Variants in MTRFR observed in about 807,000 individuals in gnomAD.
MTRFR encodes mitochondrial translation release factor in rescue, also known as probable peptide chain release factor C12orf65, mitochondrial.
MTRFR carries 10 observed loss-of-function variants against 11.9 expected under a neutral mutation model. The ratio of observed to expected loss-of-function variants is 0.84; its 90% confidence interval spans 0.52 to 1.42. The LOEUF is 1.42. Among genes scored for constraint, MTRFR ranks in the 40% most tolerant of loss-of-function variants. The probability of loss-of-function intolerance (pLI) is 0.00; values close to 1 mark genes in which losing one functional copy is unlikely to be tolerated. For synonymous variants in MTRFR, 77 were observed against 79.1 expected (o/e 0.97, Z 0.14); for missense variants, 196 against 197.9 (o/e 0.99, Z 0.06).
In MTRFR at chr12:123,254,093, A is replaced by G. The variant is rs2048152974; in HGVS notation, c.282+137A>G. On this transcript the variant is annotated intron_variant, in intron 2 of 2. Transcript: ENST00000253233. ...TTGGGCCACCCTCTACCAGCCAGGCAGTAGAGAGCACCGCAGATCTCGTCC... is the reference window on the plus strand; with the variant it reads ...TTGGGCCACCCTCTACCAGCCAGGCGGTAGAGAGCACCGCAGATCTCGTCC... The G allele has an allele frequency of 5.0e-6, 5 of 1,000,712 alleles. No individual in the cohort carries two copies. In the East Asian group the frequency reaches 1.3e-4, roughly 26 times the overall value. The allele number at this position is 1,000,712 out of a possible 1,614,324, so 62.0% of individuals were successfully genotyped here. A position where few individuals can be genotyped will look rare whatever the true frequency, so the allele number is the denominator to read the frequency against.
chr12:123,247,024 C>A (rs188796799), intron 1 of MTRFR, among the ~76,000 whole-genome samples: 6 of 152,086 alleles, frequency 3.9e-5, no homozygotes, highest in Admixed American at 3.3e-4. Context: ...CCACCGCTCA[C>A]GCCTAATTTC....
Position 123,257,300 on chromosome 12 carries a change from A to G in MTRFR, c.*269A>G, listed in dbSNP as rs1016021307. On this transcript the variant is annotated 3_prime_UTR_variant, in exon 3 of 3. Coordinates refer to ENST00000253233, the MANE Select transcript of MTRFR (RefSeq NM_152269.5). ...GAGGCCGAGGCGGGCGGATCACTTGAGGTCAGGAGTTTGAGACCAGCCTGG... is the reference window on the plus strand; with the variant it reads ...GAGGCCGAGGCGGGCGGATCACTTGGGGTCAGGAGTTTGAGACCAGCCTGG... The G allele has an allele frequency of 2.7e-6, 1 of 373,188 alleles. No individual in the cohort carries two copies. The highest frequency in any genetic ancestry group is 5.0e-6 in the Non-Finnish European group (1 of 201,234). 23.1% of individuals were successfully genotyped at this position (373,188 alleles called of 1,614,324 possible). A position where few individuals can be genotyped will look rare whatever the true frequency, so the allele number is the denominator to read the frequency against.
chr12:123,248,799 A>G (rs1481499526), intron 1 of MTRFR: 1 of 152,150 alleles, frequency 6.6e-6, no homozygotes, highest in East Asian at 1.9e-4. Context: ...TGATTGGTCC[A>G]TTTTACAGAG....
chr12:123,253,877 A>T lies in MTRFR; in HGVS notation c.203A>T (p.His68Leu), dbSNP rs774214057. 5.6e-6 allele frequency: 9 copies of T among 1,614,192 alleles called. No homozygotes were observed. Among genetic ancestry groups the T allele is most frequent in the Non-Finnish European group, 7.6e-6 (9 of 1,180,038 alleles). Residue 68 changes from histidine (H) to leucine (L), a missense_variant, in exon 2 of 3, where the codon CAC becomes CTC. Physicochemically the swap from His to Leu is moderately conservative, Grantham distance 99. Coordinates refer to ENST00000253233, the MANE Select transcript of MTRFR (RefSeq NM_152269.5). The stretch of plus-strand genomic sequence containing the variant: ...CTCGAAGAGCAGTTTGTGAAAGGAC[A>T]CGGTCCAGGGGGCCAGGCAACCAAC... Reference protein sequence around the residue: ...NELEEQFVKGHGPGGQATNKT... With the variant: ...NELEEQFVKGLGPGGQATNKT...
At chr12:123,256,688 C>A in intron 2 of MTRFR, 125 bp from the exon 3 acceptor site, 1 of 814,000 alleles carries the variant, frequency 1.2e-6, no homozygotes, top group South Asian at 1.5e-5. Flanking sequence ...AAGAACGAAA[C>A]TCTGTCTCAA....
chr12:123,245,239 C>G (rs564342368), intron 1 of MTRFR, among the ~76,000 whole-genome samples: 1 of 152,088 alleles, frequency 6.6e-6, no homozygotes, highest in Non-Finnish European at 1.5e-5. Context: ...CCTGGCCCTA[C>G]GTGCCTATTT....
intron 1 of MTRFR, among the ~76,000 whole-genome samples, chr12:123,253,069 A>ATTTTTTT (rs1565997436): frequency 9.3e-5 from 4 of 42,868 alleles, no homozygotes; most frequent in South Asian, 1.6e-3. Context: ...CGTTCCTTTG[A>ATTTTTTT]ATTTTTTTTT....
At position 123,253,069 on chromosome 12, in the gene MTRFR, A is replaced by ATTT. The variant is rs1565997436; in HGVS notation, c.-28-578_-28-577insTTT. 2.1e-4 allele frequency among the ~76,000 whole-genome samples: 9 copies of ATTT among 42,818 alleles called. No individual in the cohort carries two copies. The South Asian group carries it at 4.0e-3, about 19-fold the overall frequency. 28.1% of individuals were successfully genotyped at this position (42,818 alleles called of 152,430 possible). ...TATCAAATTACAGTCCGTTCCTTTG[A>ATTT]ATTTTTTTTTTTTTTTTTTTTTTTT... On this transcript the variant is annotated intron_variant, in intron 1 of 2. Coordinates refer to ENST00000253233, the MANE Select transcript of MTRFR (RefSeq NM_152269.5).
At chr12:123,254,592 A>T (rs554612174) in intron 2 of MTRFR, 1 of 153,818 alleles carries the variant, frequency 6.5e-6, no homozygotes, top group Admixed American at 6.4e-5. Flanking sequence ...ACCTCAGAAG[A>T]AAAAATGCTG....
rs892413581 is a variant in MTRFR at position 123,233,488 on chromosome 12, A to C, written c.-72A>C. 7.2e-5 allele frequency: 11 copies of C among 152,254 alleles called. No homozygotes were observed. Among genetic ancestry groups the C allele is most frequent in the Non-Finnish European group, 1.3e-4 (9 of 68,066 alleles). 9.4% of individuals were successfully genotyped at this position (152,254 alleles called of 1,614,324 possible). On this transcript the variant is annotated 5_prime_UTR_variant, in exon 1 of 3. Transcript: ENST00000253233. ...CGAATCCTCCGCTGAGGTGATTTGG[A>C]TATCCCTAGAACGTTGAGGGCACGA...
chr12:123,244,930 A>ATTTTTT (rs544105176), intron 1 of MTRFR, among the ~76,000 whole-genome samples: 1,845 of 64,970 alleles, frequency 0.028, 199 homozygotes, highest in East Asian at 0.068. Flanking sequence ...CGCACCCGGC[A>ATTTTTT]TTTTTTTTTT....
chr12:123,247,404 G>A (rs1456339554), intron 1 of MTRFR, among the ~76,000 whole-genome samples: 3 of 152,114 alleles, frequency 2.0e-5, no homozygotes, highest in African/African-American at 7.2e-5. Context: ...ATTATATAAT[G>A]TCCCTCTTTG....
chr12:123,235,437 T>C (rs1293333733), intron 1 of MTRFR, among the ~76,000 whole-genome samples: 1 of 152,002 alleles, frequency 6.6e-6, no homozygotes, highest in Admixed American at 6.6e-5. Flanking sequence ...AGAGCTCAGC[T>C]CACTGCAAGC....
chr12:123,242,568 A>C (rs957793277), intron 1 of MTRFR, among the ~76,000 whole-genome samples: 2 of 152,172 alleles, frequency 1.3e-5, no homozygotes, highest in Admixed American at 1.3e-4. Flanking sequence ...AGGAGATACT[A>C]AAAGTGTCTA....
At chr12:123,243,161 C>G (rs1032251032) in intron 1 of MTRFR, among the ~76,000 whole-genome samples, 2 of 152,138 alleles carry the variant, frequency 1.3e-5, no homozygotes, top group Non-Finnish European at 2.9e-5. Flanking sequence ...GCACCACTTT[C>G]CTTGGCACAC....
chr12:123,237,594 A>G (rs1460490246), intron 1 of MTRFR, among the ~76,000 whole-genome samples: 1 of 152,190 alleles, frequency 6.6e-6, no homozygotes, highest in Non-Finnish European at 1.5e-5. Context: ...CCGTCCGCCA[A>G]AATCAAAGAC....
At chr12:123,250,477 T>G (rs1234767962) in intron 1 of MTRFR, 1 of 152,198 alleles carries the variant, frequency 6.6e-6, no homozygotes, top group Non-Finnish European at 1.5e-5. Flanking sequence ...GGTTTGTTCA[T>G]TTGGGTAGGC....
intron 1 of MTRFR, among the ~76,000 whole-genome samples, chr12:123,237,279 A>G (rs1475843465): frequency 6.6e-6 from 1 of 151,818 alleles, no homozygotes; most frequent in Non-Finnish European, 1.5e-5. Flanking sequence ...AAAAATACAA[A>G]ATTAGCCGGG....
In MTRFR at chr12:123,253,070, A is replaced by ATTTTTTTTT. The variant is rs71085872; in HGVS notation, c.-28-548_-28-540dup. ...ATCAAATTACAGTCCGTTCCTTTGA[A>ATTTTTTTTT]TTTTTTTTTTTTTTTTTTTTTTTTT... On this transcript the variant is annotated intron_variant, in intron 1 of 2. Transcript: ENST00000253233. 1.4e-4 allele frequency among the ~76,000 whole-genome samples: 5 copies of ATTTTTTTTT among 34,844 alleles called. 2 individuals carry two copies. In the East Asian group the frequency reaches 6.2e-3, roughly 43 times the overall value. 22.9% of individuals were successfully genotyped at this position (34,844 alleles called of 152,430 possible). A position where few individuals can be genotyped will look rare whatever the true frequency, so the allele number is the denominator to read the frequency against.
Sources: allele counts gnomAD v4.1 joint callset (sites outside exome capture counted in the v4.1 genomes callset), GRCh38; gene constraint gnomAD v4.1.1; transcripts MANE v1.5; gene names NCBI Gene and HGNC (gene_info 2026-07-23, HGNC 2026-07-21).